L3MBTL4: variants seen among roughly 807,000 people sequenced by gnomAD.
L3MBTL4 encodes the protein L3MBTL histone methyl-lysine binding protein 4.
Under a neutral mutation model 84.5 loss-of-function variants are expected in L3MBTL4, and 70 were observed. That is an observed-to-expected ratio of 0.83 (90% CI 0.68 to 1.01). The LOEUF (loss-of-function observed/expected upper bound fraction) is 1.01, where lower values mean the gene tolerates loss of function less well. L3MBTL4 is among the 50% of genes least tolerant of loss of function. L3MBTL4 has a pLI of 0.00. For missense variants in L3MBTL4, 715 were observed against 754.8 expected (o/e 0.95, Z 0.62); for synonymous variants, 274 against 259.8 (o/e 1.05, Z -0.52).
At chr18:6,323,067 T>A (rs1267044880) in intron 1 of L3MBTL4, among the ~76,000 whole-genome samples, 1 of 152,188 alleles carries the variant, frequency 6.6e-6, no homozygotes, top group Non-Finnish European at 1.5e-5. Flanking sequence ...GCTATGTAAG[T>A]AATGCCTGCT....
In L3MBTL4 at chr18:6,243,444, GT is replaced by G. The variant is rs752702066; in HGVS notation, c.325-16del. The G allele has an allele frequency of 6.4e-7, 1 of 1,570,120 alleles. No homozygotes were observed. Among genetic ancestry groups the G allele is most frequent in the Non-Finnish European group, 8.6e-7 (1 of 1,161,154 alleles). Reference sequence around the variant, plus strand: ...TAACCACAAACCTGCAAGATAGAAAGTTTACAATCATTCGTTAAGTGTCATA... The same window carrying G: ...TAACCACAAACCTGCAAGATAGAAAGTTACAATCATTCGTTAAGTGTCATA... On this transcript the variant is annotated splice_polypyrimidine_tract_variant and intron_variant, in intron 6 of 18. Transcript: ENST00000317931.
At chr18:6,010,457 A>G (rs554920224) in intron 16 of L3MBTL4, among the ~76,000 whole-genome samples, 2 of 152,298 alleles carry the variant, frequency 1.3e-5, no homozygotes, top group Admixed American at 1.3e-4. Context: ...AAGCCTCAAC[A>G]AGTACAACTG....
intron 10 of L3MBTL4, among the ~76,000 whole-genome samples, chr18:6,216,690 C>T (rs1003734605): frequency 5.9e-5 from 9 of 152,244 alleles, no homozygotes; most frequent in Admixed American, 5.2e-4. Context: ...GACAGCTGGA[C>T]ACATTTTTTA....
chr18:5,962,382 A>T (rs1318696846), intron 17 of L3MBTL4, among the ~76,000 whole-genome samples: 1 of 152,168 alleles, frequency 6.6e-6, no homozygotes, highest in Non-Finnish European at 1.5e-5. Context: ...AGGACAACAC[A>T]GGGCCAAAGG....
chr18:6,159,345 G>T (rs1413943962), intron 13 of L3MBTL4, among the ~76,000 whole-genome samples: 2 of 152,186 alleles, frequency 1.3e-5, no homozygotes. Flanking sequence ...AATACATTCT[G>T]ACCAGGACCA....
At chr18:6,388,955 G>C (rs2054934187) in intron 1 of L3MBTL4, among the ~76,000 whole-genome samples, 1 of 152,162 alleles carries the variant, frequency 6.6e-6, no homozygotes, top group African/African-American at 2.4e-5. Context: ...CAGAAAAGAG[G>C]TGGTCTCTAG....
chr18:6,223,978 A>G (rs1303343402), intron 10 of L3MBTL4, among the ~76,000 whole-genome samples: 2 of 152,198 alleles, frequency 1.3e-5, no homozygotes, highest in South Asian at 2.1e-4. Context: ...GGTGACTAAT[A>G]TTAAGGGATT....
chr18:6,190,299 G>A lies in L3MBTL4; in HGVS notation c.982-18357C>T, dbSNP rs192571944. 3.3e-5 allele frequency among the ~76,000 whole-genome samples: 5 copies of A among 152,316 alleles called. No homozygotes were observed. The South Asian group carries it at 6.2e-4, about 19-fold the overall frequency. On this transcript the variant is annotated intron_variant, in intron 12 of 18. Transcript: ENST00000317931. ...GGAAAGGGCTGTAGTGTTGGCTGACGAGGCTTTGAGAGAAGTTTTTGAATG... is the reference window on the plus strand; with the variant it reads ...GGAAAGGGCTGTAGTGTTGGCTGACAAGGCTTTGAGAGAAGTTTTTGAATG...
intron 5 of L3MBTL4, among the ~76,000 whole-genome samples, chr18:6,245,378 T>C (rs1020153378): frequency 6.6e-6 from 1 of 152,092 alleles, no homozygotes. Flanking sequence ...CTTTTGCCCA[T>C]TTTTCCTTCC....
In L3MBTL4 at chr18:6,144,822, C is replaced by T. The variant is rs570274860; in HGVS notation, c.1097-6526G>A. On this transcript the variant is annotated intron_variant, in intron 13 of 18. Coordinates refer to ENST00000317931, the MANE Select transcript of L3MBTL4 (RefSeq NM_001330559.2). ...TTTGCTCATTTCCCCCATCTTTGGA[C>T]TCCCTGGAATGCAGATGTAAACACT... Among the ~76,000 whole-genome samples the T allele has an allele frequency of 2.6e-5, 4 of 152,258 alleles. No homozygotes were observed. In the South Asian group the frequency reaches 6.2e-4, roughly 24 times the overall value.
intron 1 of L3MBTL4, among the ~76,000 whole-genome samples, chr18:6,318,745 A>C (rs1301287169): frequency 1.3e-5 from 2 of 151,998 alleles, no homozygotes; most frequent in Non-Finnish European, 1.5e-5. Context: ...TCAACAAGGA[A>C]GCAATGAAAT....
chr18:6,130,778 T>C (rs1171236166), intron 14 of L3MBTL4, among the ~76,000 whole-genome samples: 1 of 152,214 alleles, frequency 6.6e-6, no homozygotes, highest in Non-Finnish European at 1.5e-5. Flanking sequence ...TAAATATTCC[T>C]ATGTTAACAA....
intron 13 of L3MBTL4, among the ~76,000 whole-genome samples, chr18:6,153,606 G>A (rs2042981117): frequency 6.6e-6 from 1 of 151,934 alleles, no homozygotes; most frequent in Admixed American, 6.6e-5. Flanking sequence ...AGACTCTTTA[G>A]GGATTTTGAT....
At chr18:6,040,801 G>A (rs1466317867) in intron 16 of L3MBTL4, among the ~76,000 whole-genome samples, 1 of 152,080 alleles carries the variant, frequency 6.6e-6, no homozygotes, top group Non-Finnish European at 1.5e-5. Flanking sequence ...GGCTCCACTC[G>A]ACCCTTATCC....
intron 13 of L3MBTL4, among the ~76,000 whole-genome samples, chr18:6,144,037 A>C (rs1314866276): frequency 6.6e-6 from 1 of 152,024 alleles, no homozygotes; most frequent in Non-Finnish European, 1.5e-5. Context: ...CTCTACTAAA[A>C]ATACAAAGAA....
chr18:6,305,413 A>G (rs1463198369), intron 3 of L3MBTL4, among the ~76,000 whole-genome samples: 4 of 151,922 alleles, frequency 2.6e-5, no homozygotes, highest in Non-Finnish European at 4.4e-5. Context: ...TGTCTAGCTA[A>G]TTAATTATTT....
intron 16 of L3MBTL4, among the ~76,000 whole-genome samples, chr18:6,064,742 C>G (rs2057346445): frequency 6.6e-6 from 1 of 151,652 alleles, no homozygotes; most frequent in African/African-American, 2.4e-5. Context: ...GATCTAGGAG[C>G]TTTTTGGATG....
intron 12 of L3MBTL4, among the ~76,000 whole-genome samples, chr18:6,208,718 G>T (rs1227959116): frequency 6.6e-6 from 1 of 152,148 alleles, no homozygotes; most frequent in Non-Finnish European, 1.5e-5. Context: ...AGATATAACA[G>T]CACACACTGT....
At chr18:6,347,316 G>C (rs969586749) in intron 1 of L3MBTL4, among the ~76,000 whole-genome samples, 8 of 151,768 alleles carry the variant, frequency 5.3e-5, no homozygotes, top group African/African-American at 1.9e-4. Flanking sequence ...TCTGTTAAGA[G>C]GGTAGATCTT....
Sources: allele counts gnomAD v4.1 joint callset (sites outside exome capture counted in the v4.1 genomes callset), GRCh38; gene constraint gnomAD v4.1.1; transcripts MANE v1.5; gene names NCBI Gene and HGNC (gene_info 2026-07-23, HGNC 2026-07-21).